The following RIOK3 variants were observed in gnomAD, a reference collection of about 807,000 sequenced individuals.
RIOK3 encodes RIO kinase 3.
RIOK3 carries 40 observed loss-of-function variants against 63.5 expected under a neutral mutation model. The observed-to-expected ratio is 0.63, with a 90% CI of 0.49 to 0.82. RIOK3 has a LOEUF of 0.82. RIOK3 is among the 40% of genes least tolerant of loss of function. The probability of loss-of-function intolerance (pLI) is 0.00; values close to 1 mark genes in which losing one functional copy is unlikely to be tolerated. For synonymous variants in RIOK3, 193 were observed against 205.0 expected (o/e 0.94, Z 0.50); for missense variants, 557 against 637.0 (o/e 0.87, Z 1.35).
intron 11 of RIOK3, 79 bp from the exon 12 acceptor site, chr18:23,479,238 A>C: frequency 1.2e-6 from 1 of 855,124 alleles, no homozygotes; most frequent in South Asian, 1.4e-5. Flanking sequence ...TCTTTTTATA[A>C]ATGTGCTGCT....
chr18:23,479,344 G>A lies in RIOK3; in HGVS notation c.1372G>A (p.Ala458Thr), dbSNP rs1386876419. Residue 458 changes from alanine to threonine, a missense_variant, in exon 12 of 13, where the codon GCC becomes ACC. By Grantham distance (58) the Ala-to-Thr change is moderately conservative (BLOSUM62 0). This residue lies in a region of RIOK3 where 309 missense variants were observed against 338.7 expected (regional missense o/e 0.91). Coordinates refer to ENST00000339486, the MANE Select transcript of RIOK3 (RefSeq NM_003831.5). ...QFFQKGGVKE[A>T]LSERELFNAV... ...TTTCCAGAAAGGAGGAGTCAAGGAAGCCCTTAGTGAACGAGAACTCTTCAA... is the reference window on the plus strand; with the variant it reads ...TTTCCAGAAAGGAGGAGTCAAGGAAACCCTTAGTGAACGAGAACTCTTCAA... 6.2e-7 allele frequency: 1 copy of A among 1,613,140 alleles called. No individual in the cohort carries two copies. The highest frequency in any genetic ancestry group is 1.7e-5 in the Admixed American group (1 of 60,018).
intron 7 of RIOK3, among the ~76,000 whole-genome samples, chr18:23,470,812 A>C (rs2057451618): frequency 6.6e-6 from 1 of 152,164 alleles, no homozygotes; most frequent in South Asian, 2.1e-4. Context: ...TGACAAGGCA[A>C]ATCTTATAAA....
chr18:23,463,967 T>C lies in RIOK3; in HGVS notation c.180T>C (p.Ala60=), dbSNP rs761329109. 3 of 1,600,758 alleles carry C rather than the reference T, an allele frequency of 1.9e-6. No homozygotes were observed. The East Asian group carries it at 6.7e-5, about 36-fold the overall frequency. Residue 60 remains alanine, a splice_region_variant and synonymous_variant, in exon 3 of 13, where the codon GCT becomes GCC. Transcript: ENST00000339486. ...EEEAAVFPEV[A]VAEGPFITGE... ...GTTTATATTGCCTTATTTTGAATAG[T>C]GTTGCTGAAGGACCATTTATTACTG...
At chr18:23,468,278 A>G (rs1038209388) in intron 7 of RIOK3, among the ~76,000 whole-genome samples, 2 of 127,118 alleles carry the variant, frequency 1.6e-5, no homozygotes, top group African/African-American at 3.0e-5. Context: ...ATTTTCTGTT[A>G]TACTCAATAT....
Position 23,475,462 on chromosome 18 carries a change from C to CAA in RIOK3, c.1173+372_1173+373dup, listed in dbSNP as rs60717269. ...TGGGTGACAGAGTAAGACTCTGTCT[C>CAA]AAAAAAAAAAAAAAAAAATTAAAAA... is the stretch of plus-strand genomic sequence containing the variant. On this transcript the variant is annotated intron_variant, in intron 9 of 12. Transcript: ENST00000339486. 9.7e-3 allele frequency among the ~76,000 whole-genome samples: 965 copies of CAA among 99,248 alleles called. 13 individuals are homozygous for CAA. The highest frequency in any genetic ancestry group is 0.013 in the Non-Finnish European group (660 of 51,332). 65.1% of individuals were successfully genotyped at this position (99,248 alleles called of 152,430 possible). A position where few individuals can be genotyped will look rare whatever the true frequency, so the allele number is the denominator to read the frequency against.
At chr18:23,462,255 T>A in intron 1 of RIOK3, among the ~76,000 whole-genome samples, 2 of 146,714 alleles carry the variant, frequency 1.4e-5, no homozygotes, top group South Asian at 2.3e-4. Context: ...TTCTCCTGCC[T>A]CAGCCTCCTG....
At chr18:23,454,286 G>C (rs1018196605) in intron 1 of RIOK3, among the ~76,000 whole-genome samples, 11 of 152,042 alleles carry the variant, frequency 7.2e-5, no homozygotes, top group Admixed American at 2.0e-4. Context: ...CTTCATAGTT[G>C]TTCTTTACAT....
chr18:23,457,628 GT>G (rs1598802271), intron 1 of RIOK3, among the ~76,000 whole-genome samples: 2 of 152,064 alleles, frequency 1.3e-5, no homozygotes, highest in Non-Finnish European at 2.9e-5. Flanking sequence ...TGTCTTGGCA[GT>G]TTTTTTCTAG....
chr18:23,466,255 G>C lies in RIOK3; in HGVS notation c.666G>C (p.Glu222Asp). 1 of 1,604,702 alleles carries C rather than the reference G, an allele frequency of 6.2e-7. No homozygotes were observed. Among genetic ancestry groups the C allele is most frequent in the Non-Finnish European group, 8.5e-7 (1 of 1,176,640 alleles). ...AACGTCGAAGTGCCCGCCTACATGAGAAAAAGGAGCATTCTACAGCAGTAA... is the reference window on the plus strand; with the variant it reads ...AACGTCGAAGTGCCCGCCTACATGACAAAAAGGAGCATTCTACAGCAGTAA... ...SEERRSARLH[E>D]KKEHSTAEKA... Residue 222 changes from glutamate to aspartate, a missense_variant, in exon 6 of 13, where the codon GAG becomes GAC. Physicochemically the swap from Glu to Asp is conservative, Grantham distance 45. Coordinates refer to ENST00000339486, the MANE Select transcript of RIOK3 (RefSeq NM_003831.5).
At chr18:23,453,593 G>C in intron 1 of RIOK3, 91 bp downstream of exon 1, 1 of 1,146,250 alleles carries the variant, frequency 8.7e-7, no homozygotes, top group Non-Finnish European at 1.3e-6. Context: ...TGGGCGATTC[G>C]GGAAGTTCTG....
At chr18:23,457,364 G>T (rs967283159) in intron 1 of RIOK3, among the ~76,000 whole-genome samples, 4 of 152,184 alleles carry the variant, frequency 2.6e-5, no homozygotes, top group African/African-American at 9.7e-5. Context: ...TCAAAAACAA[G>T]GAAAGTCTGA....
Position 23,473,602 on chromosome 18 carries a change from A to T in RIOK3, c.989A>T (p.Glu330Val), listed in dbSNP as rs1326926184. Residue 330 changes from glutamate to valine, a missense_variant, in exon 8 of 13, where the codon GAA becomes GTA. Physicochemically the swap from Glu to Val is moderately radical, Grantham distance 121. Transcript: ENST00000339486. ...NPRKIIRMWA[E>V]KEMHNLARMQ... The stretch of plus-strand genomic sequence containing the variant: ...CGTAAGATCATCCGCATGTGGGCAG[A>T]AAAAGAAATGCACAATCTCGCAAGG... 1 of 1,613,330 alleles carries T rather than the reference A, an allele frequency of 6.2e-7. No homozygotes were observed.
intron 12 of RIOK3, among the ~76,000 whole-genome samples, 159 bp downstream of exon 12, chr18:23,479,583 C>CT (rs200137533): frequency 0.049 from 7,142 of 145,706 alleles, 240 homozygotes; most frequent in East Asian, 0.17. Context: ...TTCTTTTTTT[C>CT]TTTTTTTTTT....
rs2057541626 is a variant in RIOK3, at chr18:23,482,476, C to G, written c.*1197C>G. 1 of 150,644 alleles carries G rather than the reference C, an allele frequency of 6.6e-6. No homozygotes were observed. The highest frequency in any genetic ancestry group is 1.5e-5 in the Non-Finnish European group (1 of 67,924). 9.3% of individuals were successfully genotyped at this position (150,644 alleles called of 1,614,324 possible). On this transcript the variant is annotated 3_prime_UTR_variant, in exon 13 of 13. Transcript: ENST00000339486. The stretch of plus-strand genomic sequence containing the variant: ...AGTGAGCTGAGATCATGCCACTGCA[C>G]TCCGGCCTAGGTGACAGAGGGAAAC...
In RIOK3 at chr18:23,453,469, G is replaced by A. The variant is rs1406043094; in HGVS notation, c.30G>A (p.Glu10=). MDLVGVASP[E]PGTAAAWGPS... The stretch of plus-strand genomic sequence containing the variant: ...ATCTGGTAGGAGTGGCATCGCCTGA[G>A]CCCGGGACGGCAGCGGCCTGGGGAC... The change falls in exon 1 of 13, where the codon GAG becomes GAA. Residue 10 remains glutamate, a synonymous_variant. Transcript: ENST00000339486. 7 of 1,613,770 alleles carry A rather than the reference G, an allele frequency of 4.3e-6. No homozygotes were observed. The highest frequency in any genetic ancestry group is 5.9e-6 in the Non-Finnish European group (7 of 1,179,908).
chr18:23,467,011 C>T (rs1464922205), intron 6 of RIOK3, among the ~76,000 whole-genome samples: 3 of 149,658 alleles, frequency 2.0e-5, no homozygotes, highest in Non-Finnish European at 3.0e-5. Flanking sequence ...CTCTCTCTGT[C>T]TCTAAAAAAA....
intron 7 of RIOK3, among the ~76,000 whole-genome samples, chr18:23,469,137 G>T (rs544834817): frequency 6.6e-6 from 1 of 152,282 alleles, no homozygotes; most frequent in South Asian, 2.1e-4. Flanking sequence ...CTGAGACTTA[G>T]TGTTATGTTA....
intron 7 of RIOK3, among the ~76,000 whole-genome samples, chr18:23,473,077 GT>G (rs1387894907): frequency 6.6e-6 from 1 of 152,088 alleles, no homozygotes; most frequent in African/African-American, 2.4e-5. Flanking sequence ...TGTTTTATTT[GT>G]TGCTTTTTAT....
chr18:23,462,082 T>C (rs1292170666), intron 1 of RIOK3, among the ~76,000 whole-genome samples: 1 of 139,724 alleles, frequency 7.2e-6, no homozygotes, highest in Non-Finnish European at 1.5e-5. Flanking sequence ...CAGAGGAAAC[T>C]GTCTCCAAAA....
Sources: allele counts gnomAD v4.1 joint callset (sites outside exome capture counted in the v4.1 genomes callset), GRCh38; gene constraint gnomAD v4.1.1; regional missense constraint gnomAD v4.1.1; transcripts MANE v1.5; gene names NCBI Gene and HGNC (gene_info 2026-07-23, HGNC 2026-07-21).